The following TACC2 variants were observed in gnomAD, a reference collection of about 807,000 sequenced individuals.
The protein encoded by TACC2 is transforming acidic coiled-coil containing protein 2, also known as transforming acidic coiled-coil-containing protein 2.
Under a neutral mutation model 227.3 loss-of-function variants are expected in TACC2, and 137 were observed. The observed-to-expected ratio is 0.60, with a 90% CI of 0.52 to 0.69. The LOEUF is 0.69. Ranked by LOEUF, TACC2 falls within the 30% of genes least tolerant of loss-of-function variation. The pLI is 0.00. For missense variants in TACC2, 3,470 were observed against 3,694.4 expected (o/e 0.94, Z 1.57); for synonymous variants, 1,523 against 1,487.5 (o/e 1.02, Z -0.55).
chr10:122,116,397 T>G (rs1431389818), intron 5 of TACC2, among the ~76,000 whole-genome samples: 1 of 152,196 alleles, frequency 6.6e-6, no homozygotes, highest in East Asian at 1.9e-4. Flanking sequence ...CTTATTTTCC[T>G]TAGGTTGGGG....
Position 122,135,186 on chromosome 10 carries a change from C to G in TACC2, c.5699+2452C>G, listed in dbSNP as rs547402177. 2.9e-4 allele frequency among the ~76,000 whole-genome samples: 44 copies of G among 152,314 alleles called. 1 individual carries two copies. Among genetic ancestry groups the G allele is most frequent in the Admixed American group, 9.1e-4 (14 of 15,302 alleles). On this transcript the variant is annotated intron_variant, in intron 6 of 22. Coordinates refer to ENST00000369005, the MANE Select transcript of TACC2 (RefSeq NM_206862.4). ...GCAGCAGCTCTGGCCCGGCTGCCCA[C>G]CTGTGTTCTGAAACCTCCACTGGCA...
chr10:122,032,826 G>A (rs1483017016), intron 2 of TACC2, among the ~76,000 whole-genome samples: 2 of 152,124 alleles, frequency 1.3e-5, no homozygotes, highest in Admixed American at 6.5e-5. Context: ...GGGCGTGGTG[G>A]CATGCACCTG....
rs2095414440 is a variant in TACC2 at position 122,216,767 on chromosome 10, C to T, written c.7485C>T (p.Tyr2495=). The T allele has an allele frequency of 5.6e-6, 9 of 1,614,126 alleles. No individual in the cohort carries two copies. In the East Asian group the frequency reaches 2.0e-4, roughly 36 times the overall value. The change falls in exon 11 of 23, where the codon TAC becomes TAT. Residue 2495 remains tyrosine, a synonymous_variant. Coordinates refer to ENST00000369005, the MANE Select transcript of TACC2 (RefSeq NM_206862.4). ...TVDLEADKQD[Y]PQPSDLSTFV... ...ACCTAGAGGCTGACAAACAGGACTA[C>T]CCGCAGCCCTCGGACCTGTCCACCT...
At chr10:122,215,982 G>A (rs1593453083) in intron 10 of TACC2, among the ~76,000 whole-genome samples, 4 of 152,146 alleles carry the variant, frequency 2.6e-5, no homozygotes, top group South Asian at 4.1e-4. Flanking sequence ...GAAAGTTATC[G>A]TCAAGCCTGT....
At chr10:122,188,287 T>C (rs2094283332) in intron 7 of TACC2, among the ~76,000 whole-genome samples, 1 of 152,120 alleles carries the variant, frequency 6.6e-6, no homozygotes, top group South Asian at 2.1e-4. Context: ...TATTTATTTA[T>C]TTATTTTTTT....
intron 2 of TACC2, among the ~76,000 whole-genome samples, chr10:122,035,769 A>G (rs1960101827): frequency 6.6e-6 from 1 of 151,992 alleles, no homozygotes; most frequent in South Asian, 2.1e-4. Context: ...CCCTCTCCCC[A>G]ACCCTTGATA....
intron 3 of TACC2, among the ~76,000 whole-genome samples, chr10:122,056,940 C>T (rs1240841887): frequency 6.6e-6 from 1 of 152,144 alleles, no homozygotes; most frequent in Non-Finnish European, 1.5e-5. Context: ...GCCTATAATC[C>T]CAGCACTTTG....
At chr10:122,063,857 C>CAG (rs757896130) in intron 3 of TACC2, among the ~76,000 whole-genome samples, 1 of 150,462 alleles carries the variant, frequency 6.6e-6, no homozygotes, top group Non-Finnish European at 1.5e-5. Context: ...CACACACACA[C>CAG]CCTTAAAGAA....
intron 16 of TACC2, among the ~76,000 whole-genome samples, chr10:122,230,906 A>G (rs2095730295): frequency 6.6e-6 from 1 of 152,246 alleles, no homozygotes; most frequent in Admixed American, 6.5e-5. Flanking sequence ...GGCCCTAATC[A>G]ATAATACATA....
intron 5 of TACC2, 87 bp from the exon 6 acceptor site, chr10:122,132,522 C>G (rs2088519103): frequency 1.3e-6 from 2 of 1,536,246 alleles, no homozygotes; most frequent in East Asian, 2.3e-5. Flanking sequence ...GCCCTCCAGC[C>G]TGGATAAGAA....
chr10:122,198,306 C>T lies in TACC2; in HGVS notation c.5971+3130C>T, dbSNP rs566961074. On this transcript the variant is annotated intron_variant, in intron 8 of 22. Coordinates refer to ENST00000369005, the MANE Select transcript of TACC2 (RefSeq NM_206862.4). ...AGCTGGGGCGGGCCAGGACTCAGCT[C>T]ATCTGAACGCAGTTCCCTTATCTGT... Among the ~76,000 whole-genome samples, 363 of 152,198 alleles carry T rather than the reference C, an allele frequency of 2.4e-3. 1 individual carries two copies. The highest frequency in any genetic ancestry group is 8.6e-3 in the African/African-American group (359 of 41,540).
intron 5 of TACC2, among the ~76,000 whole-genome samples, chr10:122,090,151 C>T (rs1026395775): frequency 2.8e-4 from 42 of 151,744 alleles, no homozygotes; most frequent in African/African-American, 1.0e-3. Flanking sequence ...ATAAATATTT[C>T]ATGACTTGTT....
At chr10:122,165,444 G>A (rs1249409676) in intron 7 of TACC2, among the ~76,000 whole-genome samples, 3 of 152,158 alleles carry the variant, frequency 2.0e-5, no homozygotes, top group African/African-American at 4.8e-5. Flanking sequence ...AATTCAGCTC[G>A]CCGGTCCCTA....
intron 19 of TACC2, among the ~76,000 whole-genome samples, chr10:122,242,364 T>C (rs1024564643): frequency 1.8e-4 from 27 of 152,230 alleles, no homozygotes; most frequent in African/African-American, 6.5e-4. Context: ...ATCAAATCCC[T>C]AGACCCTAAC....
intron 3 of TACC2, among the ~76,000 whole-genome samples, chr10:122,076,222 G>T (rs1206077688): frequency 2.0e-5 from 3 of 152,138 alleles, no homozygotes; most frequent in Admixed American, 1.3e-4. Context: ...ACTGGTAAAA[G>T]AAATGAGCAT....
chr10:122,041,947 T>G (rs2074330081), intron 2 of TACC2, among the ~76,000 whole-genome samples: 1 of 140,102 alleles, frequency 7.1e-6, no homozygotes, highest in South Asian at 2.3e-4. Flanking sequence ...GTTCTTTTCT[T>G]TTTTCTTTTC....
rs745838853 is a variant in TACC2 at position 122,210,290 on chromosome 10, C to T, written c.5972-107C>T. Reference sequence around the variant, plus strand: ...AGTGATGGGCGGGGTGGCCTGGGGCCGTGGTTTGTCAACCCCTACGCTGGA... The same window carrying T: ...AGTGATGGGCGGGGTGGCCTGGGGCTGTGGTTTGTCAACCCCTACGCTGGA... On this transcript the variant is annotated intron_variant, in intron 8 of 22. Transcript: ENST00000369005. The surrounding 1 kb of genome is among the most constrained non-coding windows in gnomAD (Gnocchi z 4.6). The T allele has an allele frequency of 2.1e-4, 186 of 869,290 alleles. No homozygotes were observed. The highest frequency in any genetic ancestry group is 1.8e-3 in the Middle Eastern group (8 of 4,562). The allele number at this position is 869,290 out of a possible 1,614,324, so 53.8% of individuals were successfully genotyped here.
Position 122,230,413 on chromosome 10 carries a change from G to C in TACC2, c.8100G>C (p.Leu2700Phe), listed in dbSNP as rs1564735508. The C allele has an allele frequency of 1.2e-6, 2 of 1,614,054 alleles. No individual in the cohort carries two copies. The highest frequency in any genetic ancestry group is 1.7e-6 in the Non-Finnish European group (2 of 1,180,040). Reference protein sequence around the residue: ...EALKLARQIALASRSHQDAKR... With the variant: ...EALKLARQIAFASRSHQDAKR... ...TGAAGCTGGCCAGGCAGATTGCTTT[G>C]GCTTCCCGCAGCCACCAGGATGCCA... is the stretch of plus-strand genomic sequence containing the variant. The change falls in exon 16 of 23, where the codon TTG (leucine) becomes TTC (phenylalanine). Residue 2700 changes from leucine to phenylalanine, a missense_variant. Transcript: ENST00000369005.
At chr10:122,151,081 A>G (rs2139482339) in intron 7 of TACC2, among the ~76,000 whole-genome samples, 1 of 152,314 alleles carries the variant, frequency 6.6e-6, no homozygotes, top group South Asian at 2.1e-4. Flanking sequence ...AATGTAGCTC[A>G]GTGTTTGACA....
Sources: gnomAD v4.1 joint callset for allele counts (sites outside exome capture counted in the v4.1 genomes callset) on GRCh38, gnomAD v4.1.1 for gene constraint, Gnocchi (gnomAD v3.1) non-coding constraint, MANE v1.5 for transcripts, NCBI Gene and HGNC (gene_info 2026-07-23, HGNC 2026-07-21) for gene names.